Variants in FSHR observed in about 807,000 individuals in gnomAD.
FSHR encodes the protein follicle-stimulating hormone receptor.
FSHR carries 46 observed loss-of-function variants against 52.1 expected under a neutral mutation model. The observed-to-expected ratio is 0.88, with a 90% CI of 0.70 to 1.13. FSHR has a LOEUF of 1.13. Among genes scored for constraint, FSHR ranks in the 50% most tolerant of loss-of-function variants. The pLI, the probability that FSHR is intolerant of heterozygous loss-of-function variation, is 0.00. For missense variants in FSHR, 964 were observed against 834.6 expected (o/e 1.16, Z -1.91); for synonymous variants, 399 against 309.6 (o/e 1.29, Z -3.03).
At chr2:49,014,724 G>GCTA (rs1667418358) in intron 4 of FSHR, 1 of 222,256 alleles carries the variant, frequency 4.5e-6, no homozygotes, top group East Asian at 1.4e-4. Flanking sequence ...TTTCAGATAT[G>GCTA]CTATTATTAT....
intron 4 of FSHR, among the ~76,000 whole-genome samples, chr2:49,013,534 A>T (rs1460540851): frequency 1.4e-5 from 2 of 145,050 alleles, no homozygotes; most frequent in South Asian, 2.1e-4. Context: ...ATAAAAATAT[A>T]TATATAAATA....
chr2:49,035,724 G>T (rs773265312), intron 2 of FSHR, among the ~76,000 whole-genome samples: 1 of 152,160 alleles, frequency 6.6e-6, no homozygotes, highest in African/African-American at 2.4e-5. Flanking sequence ...GAAGGTGACT[G>T]GTCAAAACCA....
intron 1 of FSHR, among the ~76,000 whole-genome samples, chr2:49,141,664 A>T (rs1448313574): frequency 1.3e-5 from 2 of 152,146 alleles, no homozygotes; most frequent in East Asian, 3.8e-4. Context: ...TGGGTACAGG[A>T]GAAGAGTGCA....
intron 1 of FSHR, among the ~76,000 whole-genome samples, chr2:49,150,239 A>G (rs113402121): frequency 5.3e-4 from 81 of 152,024 alleles, no homozygotes; most frequent in Non-Finnish European, 1.8e-4. Flanking sequence ...GTTAAGGGAC[A>G]CATTTTCTTA....
chr2:49,113,755 G>C (rs1026967592), intron 1 of FSHR, among the ~76,000 whole-genome samples: 1 of 152,088 alleles, frequency 6.6e-6, no homozygotes, highest in Non-Finnish European at 1.5e-5. Flanking sequence ...AATTTAAACT[G>C]TGCCAAAAAG....
Position 49,127,872 on chromosome 2 carries a change from TTCTTCTTCTTCTTCTTCTTCTTCTTC to T in FSHR, c.152+26368_152+26393del, listed in dbSNP as rs1558456957. On this transcript the variant is annotated intron_variant, in intron 1 of 9. Transcript: ENST00000406846. ...CTTCTTCTTCTTCTTCTTCTTCTTC[TTCTTCTTCTTCTTCTTCTTCTTCTTC>T]TTTTTTTTTTTTGAGACGGAGTCTT... 6.4e-3 allele frequency among the ~76,000 whole-genome samples: 292 copies of T among 45,402 alleles called. 20 individuals carry two copies. The highest frequency in any genetic ancestry group is 8.9e-3 in the Middle Eastern group (1 of 112). The allele number at this position is 45,402 out of a possible 152,430, so 29.8% of individuals were successfully genotyped here. A position where few individuals can be genotyped will look rare whatever the true frequency, so the allele number is the denominator to read the frequency against.
intron 1 of FSHR, among the ~76,000 whole-genome samples, chr2:49,153,450 A>G (rs1673132650): frequency 6.6e-6 from 1 of 152,134 alleles, no homozygotes; most frequent in Non-Finnish European, 1.5e-5. Context: ...AAAACAAAAC[A>G]GTAGACTGTG....
intron 2 of FSHR, among the ~76,000 whole-genome samples, chr2:49,049,824 A>AATATATATAT (rs5831020): frequency 4.1e-4 from 60 of 144,896 alleles, no homozygotes; most frequent in African/African-American, 1.2e-3. Flanking sequence ...CCCCTACTCT[A>AATATATATAT]ATATATATAT....
intron 2 of FSHR, among the ~76,000 whole-genome samples, chr2:49,031,885 G>A (rs975073445): frequency 2.6e-5 from 4 of 152,146 alleles, no homozygotes; most frequent in Non-Finnish European, 4.4e-5. Context: ...AAGTAGTAAA[G>A]GAATGATATT....
chr2:49,134,170 C>A (rs1259101863), intron 1 of FSHR, among the ~76,000 whole-genome samples: 1 of 152,204 alleles, frequency 6.6e-6, no homozygotes, highest in Non-Finnish European at 1.5e-5. Context: ...ATCTACCCAT[C>A]TGATAAAGTG....
chr2:49,079,866 A>C (rs1023167066), intron 1 of FSHR, among the ~76,000 whole-genome samples: 4 of 152,176 alleles, frequency 2.6e-5, no homozygotes, highest in African/African-American at 7.2e-5. Context: ...TAATAAATTT[A>C]AGTACACTAA....
In FSHR at chr2:49,150,422, A is replaced by G. The variant is rs1175443512; in HGVS notation, c.152+3844T>C. ...GGTCCTCACGAAAGCCCTCTGTGGT[A>G]GATAATTTTTGCCTAATATTTTACA... On this transcript the variant is annotated intron_variant, in intron 1 of 9. Coordinates refer to ENST00000406846, the MANE Select transcript of FSHR (RefSeq NM_000145.4). 7.9e-5 allele frequency among the ~76,000 whole-genome samples: 12 copies of G among 152,236 alleles called. No homozygotes were observed. In the East Asian group the frequency reaches 2.1e-3, roughly 27 times the overall value.
intron 1 of FSHR, among the ~76,000 whole-genome samples, chr2:49,122,768 G>A (rs1482965132): frequency 3.3e-5 from 5 of 152,302 alleles, no homozygotes; most frequent in African/African-American, 9.6e-5. Context: ...CTGGTGAAGA[G>A]GGCTGGCTCA....
intron 1 of FSHR, among the ~76,000 whole-genome samples, chr2:49,108,360 T>C (rs868579288): frequency 2.0e-5 from 3 of 152,154 alleles, no homozygotes; most frequent in Admixed American, 1.3e-4. Context: ...TCTTCCTATA[T>C]GTATATTCTA....
At chr2:49,089,836 T>C (rs1207242970) in intron 1 of FSHR, among the ~76,000 whole-genome samples, 2 of 152,140 alleles carry the variant, frequency 1.3e-5, no homozygotes, top group Non-Finnish European at 2.9e-5. Flanking sequence ...GAGAGCTGAG[T>C]CACTGCTAGT....
intron 1 of FSHR, among the ~76,000 whole-genome samples, chr2:49,093,860 T>C (rs957181726): frequency 1.3e-5 from 2 of 152,056 alleles, no homozygotes; most frequent in South Asian, 2.1e-4. Context: ...GCCTTCCAAA[T>C]TGCTAGGATT....
intron 4 of FSHR, among the ~76,000 whole-genome samples, chr2:49,001,982 G>C (rs1221348406): frequency 6.6e-6 from 1 of 152,100 alleles, no homozygotes; most frequent in African/African-American, 2.4e-5. Context: ...TTCAGAATCT[G>C]CCATCTAGTA....
At chr2:49,007,736 A>G (rs1667120720) in intron 4 of FSHR, among the ~76,000 whole-genome samples, 2 of 152,150 alleles carry the variant, frequency 1.3e-5, no homozygotes, top group African/African-American at 4.8e-5. Context: ...AGACCCCATC[A>G]CTACTGTCAC....
chr2:49,080,774 A>G (rs1190316076), intron 1 of FSHR, among the ~76,000 whole-genome samples: 1 of 152,140 alleles, frequency 6.6e-6, no homozygotes, highest in African/African-American at 2.4e-5. Context: ...ATGCCCAGAG[A>G]CAGCAAACAA....
Sources: allele counts gnomAD v4.1 joint callset (sites outside exome capture counted in the v4.1 genomes callset), GRCh38; gene constraint gnomAD v4.1.1; transcripts MANE v1.5; gene names NCBI Gene and HGNC (gene_info 2026-07-23, HGNC 2026-07-21).